Variants in HAUS8 observed in about 807,000 individuals in gnomAD.
The protein encoded by HAUS8 is HAUS augmin like complex subunit 8.
Under a neutral mutation model 42.9 loss-of-function variants are expected in HAUS8, and 38 were observed. The observed-to-expected ratio is 0.89, with a 90% confidence interval of 0.68 to 1.16. HAUS8 has a LOEUF of 1.16. Among genes scored for constraint, HAUS8 ranks in the 50% most tolerant of loss-of-function variants. The probability of loss-of-function intolerance (pLI) is 0.00; values close to 1 mark genes in which losing one functional copy is unlikely to be tolerated. For synonymous variants in HAUS8, 199 were observed against 205.8 expected (o/e 0.97, Z 0.28); for missense variants, 494 against 511.6 (o/e 0.97, Z 0.33).
At chr19:17,060,281 A>G (rs1268123880) in intron 4 of HAUS8, 189 bp from the exon 5 acceptor site, 1 of 546,072 alleles carries the variant, frequency 1.8e-6, no homozygotes, top group Non-Finnish European at 3.2e-6. Flanking sequence ...CCTTGACTCT[A>G]TTTTTAAAGT....
In HAUS8 at chr19:17,055,889, G is replaced by A. The variant is rs1218910822; in HGVS notation, c.759C>T (p.His253=). 1 of 1,614,138 alleles carries A rather than the reference G, an allele frequency of 6.2e-7. No individual in the cohort carries two copies. Among genetic ancestry groups the A allele is most frequent in the Non-Finnish European group, 8.5e-7 (1 of 1,180,028 alleles). The change falls in exon 9 of 11, where the codon CAC becomes CAT. Residue 253 remains histidine (H), a synonymous_variant. Coordinates refer to ENST00000253669, the MANE Select transcript of HAUS8 (RefSeq NM_033417.2). ...TRHELPVRSI[H]LEGDGQQLLD... Reference sequence around the variant, plus strand: ...AGAGCTGCTGCCCATCTCCCTCCAGGTGGATGGACCTCACGGGCAGCTCGT... The same window carrying A: ...AGAGCTGCTGCCCATCTCCCTCCAGATGGATGGACCTCACGGGCAGCTCGT...
intron 9 of HAUS8, among the ~76,000 whole-genome samples, chr19:17,054,881 T>C (rs1352419752): frequency 6.6e-6 from 1 of 151,294 alleles, no homozygotes; most frequent in Non-Finnish European, 1.5e-5. Context: ...GGTGGGAGGA[T>C]CTGAGTAGAG....
At chr19:17,074,930 T>C (rs369431220) in intron 1 of HAUS8, 2 of 168,518 alleles carry the variant, frequency 1.2e-5, no homozygotes, top group East Asian at 1.6e-4. Flanking sequence ...CATCATCTCC[T>C]CAGTAAACTG....
rs1177687313 is a variant in HAUS8, at chr19:17,058,815, A to T, written c.482T>A (p.Val161Glu). Reference sequence around the variant, plus strand: ...TGAACAAGAAACTGTTTTCACCTTTACGGATAGTAGCGTCAGCAGTAGTGT... The same window carrying T: ...TGAACAAGAAACTGTTTTCACCTTTTCGGATAGTAGCGTCAGCAGTAGTGT... ...SQTLLLTLLS[V>E]KMENNLAEFE... Residue 161 changes from valine (V) to glutamate (E), a missense_variant, in exon 7 of 11, where the codon GTA becomes GAA. Val to Glu is a moderately radical substitution (Grantham distance 121). Coordinates refer to ENST00000253669, the MANE Select transcript of HAUS8 (RefSeq NM_033417.2). The T allele has an allele frequency of 1.9e-6, 3 of 1,613,326 alleles. No homozygotes were observed. The highest frequency in any genetic ancestry group is 8.5e-7 in the Non-Finnish European group (1 of 1,179,748).
At chr19:17,068,810 T>G (rs111543740) in intron 3 of HAUS8, among the ~76,000 whole-genome samples, 1,823 of 152,026 alleles carry the variant, frequency 0.012, 47 homozygotes, top group African/African-American at 0.041. Context: ...TCAATGGAGA[T>G]CACAGCTTCG....
chr19:17,073,159 A>C, intron 2 of HAUS8, 115 bp downstream of exon 2: 1 of 885,186 alleles, frequency 1.1e-6, no homozygotes, highest in Non-Finnish European at 1.9e-6. Context: ...CACAGGTGTG[A>C]CTACAAGGAA....
chr19:17,069,207 G>T, intron 2 of HAUS8, 121 bp from the exon 3 acceptor site: 2 of 825,934 alleles, frequency 2.4e-6, no homozygotes, highest in Non-Finnish European at 2.1e-6. Context: ...GACCAGAACA[G>T]AGGAGGTCAC....
chr19:17,052,596 G>A (rs958137153), intron 10 of HAUS8: 8 of 440,224 alleles, frequency 1.8e-5, no homozygotes, highest in Non-Finnish European at 2.8e-5. Flanking sequence ...AGAAAGGGAA[G>A]GCAAGGCGGG....
Position 17,062,732 on chromosome 19 carries a change from A to G in HAUS8, c.195T>C (p.Gly65=). ...TCTGGAGCAGGCTGGATTTCCTTCC[A>G]CCTTCAGACATCTTCCCTCGGGTCT... ...GSQTRGKMSE[G]GRKSSLLQKS... The change falls in exon 4 of 11, where the codon GGT becomes GGC. Residue 65 remains glycine, a synonymous_variant. Transcript: ENST00000253669. The G allele has an allele frequency of 1.9e-6, 3 of 1,614,066 alleles. No individual in the cohort carries two copies. Among genetic ancestry groups the G allele is most frequent in the Non-Finnish European group, 2.5e-6 (3 of 1,179,994 alleles).
Position 17,050,163 on chromosome 19 carries a change from C to T in HAUS8, c.943G>A (p.Val315Met). 1 of 1,505,360 alleles carries T rather than the reference C, an allele frequency of 6.6e-7. No individual in the cohort carries two copies. The highest frequency in any genetic ancestry group is 8.9e-7 in the Non-Finnish European group (1 of 1,126,468). The allele number at this position is 1,505,360 out of a possible 1,614,324, so 93.3% of individuals were successfully genotyped here. A position where few individuals can be genotyped will look rare whatever the true frequency, so the allele number is the denominator to read the frequency against. Residue 315 changes from valine (V) to methionine (M), a missense_variant, in exon 11 of 11, where the codon GTG becomes ATG. Coordinates refer to ENST00000253669, the MANE Select transcript of HAUS8 (RefSeq NM_033417.2). ...DLELRRSFAQ[V>M]LELSAEASKE... is the part of the protein sequence containing the mutation. ...CTTGCCTCTGCGGAGAGTTCCAGCA[C>T]CTGGGCAAAGCTCCTGTTGAGGATG...
chr19:17,067,315 T>C (rs559097877), intron 3 of HAUS8, among the ~76,000 whole-genome samples: 11 of 151,916 alleles, frequency 7.2e-5, no homozygotes, highest in Middle Eastern at 3.4e-3. Context: ...CTACAAACTG[T>C]GATGCCACAG....
At chr19:17,051,660 A>ATTTTTTTTTTTTTTTTTTT (rs35343811) in intron 10 of HAUS8, 1 of 113,664 alleles carries the variant, frequency 8.8e-6, no homozygotes. Flanking sequence ...ACTTCCATAG[A>ATTTTTTTTTTTTTTTTTTT]TTTTTTTTTT....
intron 1 of HAUS8, 139 bp downstream of exon 1, chr19:17,075,255 G>T: frequency 1.1e-6 from 1 of 894,026 alleles, no homozygotes; most frequent in Non-Finnish European, 1.8e-6. Context: ...CACGCCATCG[G>T]GGTCTTCAGG....
intron 8 of HAUS8, among the ~76,000 whole-genome samples, chr19:17,056,392 C>T (rs1268555008): frequency 1.3e-5 from 2 of 152,184 alleles, no homozygotes; most frequent in Non-Finnish European, 1.5e-5. Flanking sequence ...TTGAGCAACA[C>T]GGGAGTTTGG....
intron 2 of HAUS8, among the ~76,000 whole-genome samples, chr19:17,070,903 C>A (rs535098166): frequency 6.6e-6 from 1 of 152,248 alleles, no homozygotes; most frequent in East Asian, 1.9e-4. Context: ...AACCCCGTCT[C>A]TACTAAAACT....
intron 10 of HAUS8, 119 bp downstream of exon 10, chr19:17,052,706 C>T: frequency 9.8e-7 from 1 of 1,023,900 alleles, no homozygotes. Flanking sequence ...GCAGCTCGCT[C>T]AGGGGACTGA....
At chr19:17,055,436 C>T (rs940821033) in intron 9 of HAUS8, among the ~76,000 whole-genome samples, 2 of 150,138 alleles carry the variant, frequency 1.3e-5, no homozygotes, top group African/African-American at 4.9e-5. Flanking sequence ...TAAGGTGCAA[C>T]GCGGCAGTTT....
Position 17,068,084 on chromosome 19 carries a change from TTTTTTTATTTTATTC to T in HAUS8, c.147+932_147+946del, listed in dbSNP as rs2057397886. Among the ~76,000 whole-genome samples the T allele has an allele frequency of 2.0e-5, 3 of 151,056 alleles. No homozygotes were observed. The South Asian group carries it at 6.4e-4, about 32-fold the overall frequency. On this transcript the variant is annotated intron_variant, in intron 3 of 10. Transcript: ENST00000253669. Reference sequence around the variant, plus strand: ...CCCATAGTTTTTCTCTAAAAACCTGTTTTTTTATTTTATTCTTTTTTTTTTTTTTTTTTTTTTTTG... The same window carrying T: ...CCCATAGTTTTTCTCTAAAAACCTGTTTTTTTTTTTTTTTTTTTTTTTTTG...
intron 4 of HAUS8, among the ~76,000 whole-genome samples, chr19:17,062,083 TG>T (rs1466331562): frequency 3.9e-5 from 6 of 152,242 alleles, no homozygotes; most frequent in Non-Finnish European, 4.4e-5. Flanking sequence ...ATGTCTGGTC[TG>T]GGGTTGTTTT....
Sources: gnomAD v4.1 joint callset for allele counts (sites outside exome capture counted in the v4.1 genomes callset) on GRCh38, gnomAD v4.1.1 for gene constraint, MANE v1.5 for transcripts, NCBI Gene and HGNC (gene_info 2026-07-23, HGNC 2026-07-21) for gene names.